C10orf53: variants seen among roughly 807,000 people sequenced by gnomAD.
The protein encoded by C10orf53 is chromosome 10 open reading frame 53.
C10orf53 carries 8 observed loss-of-function variants against 9.4 expected under a neutral mutation model. The observed-to-expected ratio is 0.85, with a 90% CI of 0.50 to 1.53. The LOEUF (loss-of-function observed/expected upper bound fraction) is 1.53, where lower values mean the gene tolerates loss of function less well. Ranked by LOEUF, C10orf53 falls within the 40% of genes most tolerant of loss-of-function variation. C10orf53 has a pLI of 0.00. For missense variants in C10orf53, 117 were observed against 117.8 expected (o/e 0.99, Z 0.03); for synonymous variants, 48 against 46.0 (o/e 1.04, Z -0.18).
intron 2 of C10orf53, among the ~76,000 whole-genome samples, chr10:49,707,981 C>T (rs1012499571): frequency 1.4e-4 from 21 of 152,014 alleles, no homozygotes; most frequent in African/African-American, 5.1e-4. Flanking sequence ...AGTATTAGTG[C>T]CTGGAGTTCT....
chr10:49,689,850 T>G (rs1320431086), intron 1 of C10orf53, among the ~76,000 whole-genome samples: 1 of 152,174 alleles, frequency 6.6e-6, no homozygotes, highest in East Asian at 1.9e-4. Context: ...ATTTTAAAGT[T>G]TTTTTAAAAA....
At chr10:49,685,533 T>TTGTGTA (rs1840520301) in intron 1 of C10orf53, among the ~76,000 whole-genome samples, 2 of 152,184 alleles carry the variant, frequency 1.3e-5, no homozygotes, top group East Asian at 3.8e-4. Flanking sequence ...GTATATATAT[T>TTGTGTA]TGTGTATGTA....
At chr10:49,694,050 A>C in intron 2 of C10orf53, 157 bp downstream of exon 2, 1 of 999,322 alleles carries the variant, frequency 1.0e-6, no homozygotes, top group Non-Finnish European at 1.5e-6. Flanking sequence ...TCAGTGGCAC[A>C]CACAGGAGAG....
chr10:49,681,040 A>G (rs1441302497), intron 1 of C10orf53, among the ~76,000 whole-genome samples: 1 of 152,134 alleles, frequency 6.6e-6, no homozygotes, highest in Non-Finnish European at 1.5e-5. Flanking sequence ...TGAACCTACA[A>G]TGGTTCCACT....
chr10:49,688,218 A>G (rs901343792), intron 1 of C10orf53, among the ~76,000 whole-genome samples: 1 of 151,984 alleles, frequency 6.6e-6, no homozygotes. Context: ...CACTGCTCAC[A>G]GCAGCTCCAT....
At chr10:49,684,581 T>C (rs1840509481) in intron 1 of C10orf53, among the ~76,000 whole-genome samples, 1 of 13,164 alleles carries the variant, frequency 7.6e-5, no homozygotes, top group Admixed American at 1.2e-3. Context: ...CCTAATTGTT[T>C]GCATATATTC....
chr10:49,691,403 G>A (rs7085929), intron 1 of C10orf53, among the ~76,000 whole-genome samples: 8,723 of 152,300 alleles, frequency 0.057, 358 homozygotes, highest in African/African-American at 0.11. Context: ...GCAGTGCCCA[G>A]GGCCATTCTG....
intron 1 of C10orf53, among the ~76,000 whole-genome samples, chr10:49,685,158 G>T (rs1176057101): frequency 6.6e-6 from 1 of 150,790 alleles, no homozygotes; most frequent in African/African-American, 2.4e-5. Context: ...ACACACAGAT[G>T]GTCCCTGACT....
chr10:49,695,451 G>A lies in C10orf53; in HGVS notation c.*849G>A, dbSNP rs1392751897. ...ATATTGATCTAATGACGTCAAATGG[G>A]AGGTCATGGTAAGAAGGCCTCACAC... On this transcript the variant is annotated 3_prime_UTR_variant, in exon 3 of 3. Transcript: ENST00000374111. 1 of 152,244 alleles carries A rather than the reference G, an allele frequency of 6.6e-6. No homozygotes were observed. The highest frequency in any genetic ancestry group is 6.5e-5 in the Admixed American group (1 of 15,286). The allele number at this position is 152,244 out of a possible 1,614,324, so 9.4% of individuals were successfully genotyped here. A position where few individuals can be genotyped will look rare whatever the true frequency, so the allele number is the denominator to read the frequency against.
rs548197754 is a variant in C10orf53, at chr10:49,679,873, T to C, written c.97+79T>C. 4.5e-5 allele frequency: 58 copies of C among 1,292,950 alleles called. 1 individual carries two copies. The South Asian group carries it at 7.7e-4, about 17-fold the overall frequency. The allele number at this position is 1,292,950 out of a possible 1,614,324, so 80.1% of individuals were successfully genotyped here. A position where few individuals can be genotyped will look rare whatever the true frequency, so the allele number is the denominator to read the frequency against. On this transcript the variant is annotated intron_variant, in intron 1 of 2. Coordinates refer to ENST00000374111, the MANE Select transcript of C10orf53 (RefSeq NM_001042427.3). ...GCAGGTGGTGCCCTGTGCCTAGGCC[T>C]TCCTCAGACCCCCACGAAGCGCCAC...
intron 1 of C10orf53, among the ~76,000 whole-genome samples, chr10:49,688,701 G>A (rs890441221): frequency 2.7e-5 from 4 of 149,220 alleles, no homozygotes; most frequent in East Asian, 2.0e-4. Context: ...ACCTCCTGCA[G>A]TCCTTCAATG....
Position 49,695,815 on chromosome 10 carries a change from A to C in C10orf53, c.*1213A>C, listed in dbSNP as rs1840629519. On this transcript the variant is annotated 3_prime_UTR_variant, in exon 3 of 3. Coordinates refer to ENST00000374111, the MANE Select transcript of C10orf53 (RefSeq NM_001042427.3). ...ACTATTTAAGCATCTCCTTACTGAG[A>C]AACTGAGGCTCAAAAGAGATTCTTC... The C allele has an allele frequency of 6.6e-6, 1 of 152,240 alleles. No individual in the cohort carries two copies. The highest frequency in any genetic ancestry group is 1.5e-5 in the Non-Finnish European group (1 of 68,048). The allele number at this position is 152,240 out of a possible 1,614,324, so 9.4% of individuals were successfully genotyped here.
rs368363168 is a variant in C10orf53 at position 49,696,733 on chromosome 10, C to T, written c.*2131C>T. 2.6e-5 allele frequency among the ~76,000 whole-genome samples: 4 copies of T among 151,256 alleles called. No homozygotes were observed. Among genetic ancestry groups the T allele is most frequent in the South Asian group, 2.1e-4 (1 of 4,792 alleles). On this transcript the variant is annotated 3_prime_UTR_variant, in exon 3 of 3. Coordinates refer to ENST00000374111, the MANE Select transcript of C10orf53 (RefSeq NM_001042427.3). ...AATCAGCATTGCTGGGAAAAATCACCGAGGTTTCCTCTGAGCAGTGGGATT... is the reference window on the plus strand; with the variant it reads ...AATCAGCATTGCTGGGAAAAATCACTGAGGTTTCCTCTGAGCAGTGGGATT...
chr10:49,694,013 G>A, intron 2 of C10orf53, 120 bp downstream of exon 2: 1 of 1,435,206 alleles, frequency 7.0e-7, no homozygotes, highest in Non-Finnish European at 9.6e-7. Flanking sequence ...TTCTGAGTTT[G>A]AAACTTGTAC....
chr10:49,710,182 T>C (rs1373007539), exon 3 of C10orf53: 4 of 152,206 alleles, frequency 2.6e-5, no homozygotes, highest in Non-Finnish European at 5.9e-5. Flanking sequence ...TGCTCCATCC[T>C]GCCAGCCCTG....
chr10:49,708,295 C>T (rs999648746), intron 2 of C10orf53: 11 of 1,576,716 alleles, frequency 7.0e-6, no homozygotes, highest in East Asian at 4.5e-5. Context: ...AGTGTTCAGT[C>T]GACAACAGCA....
At chr10:49,699,190 CTTTTTTTTTTTTT>C (rs67695235), downstream of C10orf53, among the ~76,000 whole-genome samples, 1 of 64,870 alleles carries the variant, frequency 1.5e-5, no homozygotes, top group Non-Finnish European at 2.5e-5. Flanking sequence ...GTGGCTCAAT[CTTTTTTTTTTTTT>C]TTTTTTTTTT....
chr10:49,708,656 C>G, exon 3 of C10orf53: 1 of 1,603,842 alleles, frequency 6.2e-7, no homozygotes, highest in Non-Finnish European at 8.5e-7. Context: ...GTTCATTTCA[C>G]AAAAGGAAAA....
At chr10:49,708,326 G>A (rs1840736691) in intron 2 of C10orf53, 8 of 1,605,440 alleles carry the variant, frequency 5.0e-6, no homozygotes, top group African/African-American at 1.3e-5. Flanking sequence ...TCCATCTCTT[G>A]ATGCTGCTTT....
Sources: gnomAD v4.1 joint callset for allele counts (sites outside exome capture counted in the v4.1 genomes callset) on GRCh38, gnomAD v4.1.1 for gene constraint, MANE v1.5 for transcripts, NCBI Gene and HGNC (gene_info 2026-07-23, HGNC 2026-07-21) for gene names.